MARK1: variants seen among roughly 807,000 people sequenced by gnomAD.
MARK1 encodes the protein serine/threonine-protein kinase MARK1.
Under a neutral mutation model 96.3 loss-of-function variants are expected in MARK1, and 40 were observed. The observed-to-expected ratio is 0.42, with a 90% CI of 0.32 to 0.54. MARK1 has a LOEUF of 0.54. Ranked by LOEUF, MARK1 falls within the 20% of genes least tolerant of loss-of-function variation. The pLI, the probability that MARK1 is intolerant of heterozygous loss-of-function variation, is 0.16. For missense variants in MARK1, 719 were observed against 984.6 expected, an observed-to-expected ratio of 0.73 and a Z score of 3.61; for synonymous variants, 317 against 341.2, an observed-to-expected ratio of 0.93 and a Z score of 0.78.
intron 1 of MARK1, among the ~76,000 whole-genome samples, chr1:220,560,054 G>C (rs1010669774): frequency 6.6e-6 from 1 of 152,082 alleles, no homozygotes; most frequent in Non-Finnish European, 1.5e-5. Context: ...GAAGGCAAAA[G>C]GTACCTCTTA....
intron 1 of MARK1, among the ~76,000 whole-genome samples, chr1:220,545,746 C>T (rs943864748): frequency 1.3e-4 from 20 of 152,024 alleles, no homozygotes; most frequent in African/African-American, 3.1e-4. Flanking sequence ...AGCCTGAAAG[C>T]GCTTTTAATA....
At chr1:220,552,700 A>G (rs1001846880) in intron 1 of MARK1, among the ~76,000 whole-genome samples, 1 of 152,228 alleles carries the variant, frequency 6.6e-6, no homozygotes, top group African/African-American at 2.4e-5. Flanking sequence ...TTGTCATAGC[A>G]TTGTGGACAG....
chr1:220,610,949 C>T (rs868259539), intron 6 of MARK1, among the ~76,000 whole-genome samples: 2 of 152,136 alleles, frequency 1.3e-5, no homozygotes, highest in Admixed American at 1.3e-4. Flanking sequence ...CTGGAAGCTT[C>T]GTCCCAGAGG....
intron 9 of MARK1, among the ~76,000 whole-genome samples, chr1:220,628,614 G>C (rs1208038797): frequency 6.6e-6 from 1 of 151,910 alleles, no homozygotes; most frequent in African/African-American, 2.4e-5. Context: ...TTAAATACTA[G>C]TGTTCCTTGA....
chr1:220,559,874 A>G (rs1187556020), intron 1 of MARK1, among the ~76,000 whole-genome samples: 1 of 120,540 alleles, frequency 8.3e-6, no homozygotes, highest in Non-Finnish European at 1.8e-5. Flanking sequence ...TTTAGAGAAG[A>G]GTAAAGTGAG....
intron 1 of MARK1, among the ~76,000 whole-genome samples, chr1:220,530,811 G>A (rs992126105): frequency 6.6e-6 from 1 of 152,084 alleles, no homozygotes; most frequent in Non-Finnish European, 1.5e-5. Context: ...ATGGTCTTGT[G>A]CCTTATTGTG....
intron 17 of MARK1, among the ~76,000 whole-genome samples, chr1:220,659,834 A>G (rs1018831432): frequency 6.6e-6 from 1 of 152,094 alleles, no homozygotes; most frequent in East Asian, 1.9e-4. Context: ...TCTGTTGCCT[A>G]GGCTGGAGTG....
intron 6 of MARK1, among the ~76,000 whole-genome samples, chr1:220,611,583 C>T (rs1269203588): frequency 6.6e-6 from 1 of 152,204 alleles, no homozygotes; most frequent in Non-Finnish European, 1.5e-5. Flanking sequence ...CAGCCAGTCC[C>T]AGTGAGATGA....
chr1:220,582,672 G>C (rs559104369), intron 3 of MARK1, among the ~76,000 whole-genome samples: 1 of 152,268 alleles, frequency 6.6e-6, no homozygotes, highest in African/African-American at 2.4e-5. Flanking sequence ...TCTTTCCCAA[G>C]GTTGTATAAA....
Position 220,618,814 on chromosome 1 carries a change from G to A in MARK1, c.909+59G>A, listed in dbSNP as rs1310304555. ...TAACAATTAAAATATTCCAGGAACC[G>A]AAGAGCATTTTTCTCCTATGTTTTC... On this transcript the variant is annotated intron_variant, in intron 9 of 17. Coordinates refer to ENST00000366917, the MANE Select transcript of MARK1 (RefSeq NM_018650.5). This position sits in a 1 kb window ranked among gnomAD's most constrained non-coding sequence, Gnocchi z 4.6. 3.9e-5 allele frequency: 56 copies of A among 1,429,132 alleles called. No individual in the cohort carries two copies. The South Asian group carries it at 4.5e-4, about 12-fold the overall frequency. 88.5% of individuals were successfully genotyped at this position (1,429,132 alleles called of 1,614,324 possible).
At position 220,650,691 on chromosome 1, in the gene MARK1, C is replaced by T. The variant is rs756355673; in HGVS notation, c.1542C>T (p.Tyr514=). The change falls in exon 14 of 18, where the codon TAC becomes TAT. Residue 514 remains tyrosine, a synonymous_variant. Coordinates refer to ENST00000366917, the MANE Select transcript of MARK1 (RefSeq NM_018650.5). ...TCTGTGAAAGGACCACAGATCGATA[C>T]GTAGCATTGCAGAATGGAAAAGACA... The part of the protein sequence containing the change: ...TYVCERTTDR[Y]VALQNGKDSS... The T allele has an allele frequency of 7.3e-5, 117 of 1,613,262 alleles. 1 individual carries two copies. Among genetic ancestry groups the T allele is most frequent in the Non-Finnish European group, 8.8e-5 (104 of 1,179,510 alleles).
chr1:220,593,678 G>A (rs1665139784), intron 3 of MARK1, among the ~76,000 whole-genome samples: 1 of 152,118 alleles, frequency 6.6e-6, no homozygotes, highest in South Asian at 2.1e-4. Flanking sequence ...GGGTTCTCAG[G>A]GAGGTGAGTC....
chr1:220,661,854 T>C lies in MARK1; in HGVS notation c.2076T>C (p.Gly692=), dbSNP rs777764571. 1.2e-6 allele frequency: 2 copies of C among 1,613,566 alleles called. No homozygotes were observed. The highest frequency in any genetic ancestry group is 4.5e-5 in the East Asian group (2 of 44,864). ...CAAAAGAAAGAGACAAGGAAGAGGG[T>C]AAAGATTCTAAGCCGCGTTCTTTGC... The part of the protein sequence containing the change: ...GEPKERDKEE[G]KDSKPRSLRF... The change falls in exon 18 of 18, where the codon GGT becomes GGC. Residue 692 remains glycine (G), a synonymous_variant. Transcript: ENST00000366917.
chr1:220,591,425 C>T (rs1664973022), intron 3 of MARK1, among the ~76,000 whole-genome samples: 1 of 152,100 alleles, frequency 6.6e-6, no homozygotes, highest in Non-Finnish European at 1.5e-5. Context: ...ATTCATATGA[C>T]AGTGTTGTCT....
intron 11 of MARK1, among the ~76,000 whole-genome samples, chr1:220,633,594 AT>A (rs1667790218): frequency 6.6e-6 from 1 of 152,140 alleles, no homozygotes; most frequent in African/African-American, 2.4e-5. Flanking sequence ...ATGTGTTCTG[AT>A]TTGGGGGATG....
intron 1 of MARK1, among the ~76,000 whole-genome samples, chr1:220,561,595 T>C (rs1662672461): frequency 6.6e-6 from 1 of 152,180 alleles, no homozygotes; most frequent in Admixed American, 6.5e-5. Context: ...TTCTAAGCAA[T>C]GTGACAGGAT....
chr1:220,577,418 C>G (rs1168366426), intron 1 of MARK1, among the ~76,000 whole-genome samples: 1 of 152,228 alleles, frequency 6.6e-6, no homozygotes, highest in East Asian at 1.9e-4. Context: ...TCTCTTGTTT[C>G]TACCCAGGTA....
intron 5 of MARK1, among the ~76,000 whole-genome samples, chr1:220,603,091 T>G (rs1258935977): frequency 6.6e-6 from 1 of 152,050 alleles, no homozygotes; most frequent in Admixed American, 6.6e-5. Context: ...AGTCTGAGTT[T>G]TTTTGTTTTT....
chr1:220,645,622 T>C (rs1668533802), intron 13 of MARK1, among the ~76,000 whole-genome samples: 1 of 152,158 alleles, frequency 6.6e-6, no homozygotes, highest in Non-Finnish European at 1.5e-5. Flanking sequence ...TTCAGGTCAA[T>C]GTCCCTGATG....
Sources: allele counts gnomAD v4.1 joint callset (sites outside exome capture counted in the v4.1 genomes callset), GRCh38; gene constraint gnomAD v4.1.1; non-coding constraint Gnocchi (gnomAD v3.1); transcripts MANE v1.5; gene names NCBI Gene and HGNC (gene_info 2026-07-23, HGNC 2026-07-21).